Variants in SUCLG2 observed in about 807,000 individuals in gnomAD.
SUCLG2 encodes succinate--CoA ligase [GDP-forming] subunit beta, mitochondrial.
SUCLG2 carries 42 observed loss-of-function variants against 47.9 expected under a neutral mutation model. That is an observed-to-expected ratio of 0.88 (90% CI 0.69 to 1.14). The LOEUF (loss-of-function observed/expected upper bound fraction) is 1.14, where lower values mean the gene tolerates loss of function less well. SUCLG2 is among the 50% of genes most tolerant of loss of function. The pLI is 0.00. For missense variants in SUCLG2, 571 were observed against 525.9 expected, an observed-to-expected ratio of 1.09 and a Z score of -0.84; for synonymous variants, 195 against 197.3, an observed-to-expected ratio of 0.99 and a Z score of 0.10.
intron 9 of SUCLG2, among the ~76,000 whole-genome samples, chr3:67,470,290 C>A (rs941489816): frequency 6.6e-6 from 1 of 152,174 alleles, no homozygotes; most frequent in Non-Finnish European, 1.5e-5. Flanking sequence ...CAAAAATGTG[C>A]ACATAATGAG....
rs1193638368 is a variant in SUCLG2 at position 67,375,721 on chromosome 3, T to C, written c.*23A>G. ...TTTTACGGAAAAATGGCTTTCTTTC[T>C]CCATTGGATCAGGACAAAGACATCA... On this transcript the variant is annotated 3_prime_UTR_variant, in exon 11 of 11. Transcript: ENST00000307227. 1.3e-6 allele frequency: 2 copies of C among 1,596,982 alleles called. No homozygotes were observed. The highest frequency in any genetic ancestry group is 2.7e-5 in the African/African-American group (2 of 74,408).
At chr3:67,431,487 C>G (rs1703478144) in intron 9 of SUCLG2, among the ~76,000 whole-genome samples, 1 of 152,024 alleles carries the variant, frequency 6.6e-6, no homozygotes, top group Non-Finnish European at 1.5e-5. Flanking sequence ...TGGAACCAAC[C>G]CAAATGTCCA....
chr3:67,454,150 G>A (rs1309454956), intron 9 of SUCLG2, among the ~76,000 whole-genome samples: 1 of 152,182 alleles, frequency 6.6e-6, no homozygotes, highest in Non-Finnish European at 1.5e-5. Flanking sequence ...GAAGTTGACA[G>A]AGCTGCACAA....
At chr3:67,617,307 C>T (rs901825770) in intron 1 of SUCLG2, among the ~76,000 whole-genome samples, 4 of 152,092 alleles carry the variant, frequency 2.6e-5, no homozygotes, top group Admixed American at 6.5e-5. Context: ...GGCCTTAATA[C>T]GATGACAACA....
intron 9 of SUCLG2, among the ~76,000 whole-genome samples, chr3:67,409,736 G>C (rs1369568048): frequency 4.0e-5 from 6 of 151,708 alleles, no homozygotes; most frequent in Non-Finnish European, 8.8e-5. Context: ...TAACCACCAA[G>C]AATATATTAA....
At chr3:67,395,427 G>A (rs146043855) in intron 10 of SUCLG2, among the ~76,000 whole-genome samples, 10,971 of 152,170 alleles carry the variant, frequency 0.072, 405 homozygotes, top group Middle Eastern at 0.14. Flanking sequence ...AGACAAAGAA[G>A]GCCATTACAT....
chr3:67,609,121 G>A (rs553804652), intron 2 of SUCLG2, among the ~76,000 whole-genome samples: 1 of 152,324 alleles, frequency 6.6e-6, no homozygotes, highest in East Asian at 1.9e-4. Context: ...TGCCAGGGAA[G>A]AAAGGCTCTA....
intron 5 of SUCLG2, among the ~76,000 whole-genome samples, chr3:67,519,915 C>G (rs78442256): frequency 0.01 from 1,539 of 152,186 alleles, 22 homozygotes; most frequent in African/African-American, 0.032. Context: ...AACTTGTGCT[C>G]TGATTAAATT....
intron 2 of SUCLG2, among the ~76,000 whole-genome samples, chr3:67,598,704 T>C (rs534715018): frequency 2.6e-4 from 39 of 152,318 alleles, no homozygotes; most frequent in African/African-American, 8.9e-4. Flanking sequence ...TATGCTGTGA[T>C]GTGGAACACA....
rs193246615 is a variant in SUCLG2, at chr3:67,510,339, T to C, written c.661-1436A>G. On this transcript the variant is annotated intron_variant, in intron 6 of 10. Coordinates refer to ENST00000307227, the MANE Select transcript of SUCLG2 (RefSeq NM_003848.4). ...TTTTAAATCCAAATTTGAGGGCTAG[T>C]AGATATAAACGAACCCACATAATGA... 3.3e-3 allele frequency among the ~76,000 whole-genome samples: 500 copies of C among 152,370 alleles called. 2 individuals carry two copies. Among genetic ancestry groups the C allele is most frequent in the African/African-American group, 0.011 (473 of 41,582 alleles).
intron 10 of SUCLG2, among the ~76,000 whole-genome samples, chr3:67,392,038 C>G (rs1036036296): frequency 6.6e-6 from 1 of 152,066 alleles, no homozygotes; most frequent in African/African-American, 2.4e-5. Context: ...TGCCCCTGTC[C>G]TTCTGTATGT....
chr3:67,517,893 T>C (rs866834356), intron 6 of SUCLG2, among the ~76,000 whole-genome samples: 6 of 152,196 alleles, frequency 3.9e-5, no homozygotes, highest in African/African-American at 1.4e-4. Flanking sequence ...ATCATTCCCA[T>C]TTTATAGATG....
At chr3:67,515,901 GAAC>G (rs1384995095) in intron 6 of SUCLG2, among the ~76,000 whole-genome samples, 1 of 152,066 alleles carries the variant, frequency 6.6e-6, no homozygotes, top group Admixed American at 6.5e-5. Context: ...GTCCCTAGAT[GAAC>G]AACTTCCAAC....
At chr3:67,506,641 G>T (rs575899564) in intron 7 of SUCLG2, among the ~76,000 whole-genome samples, 31 of 152,084 alleles carry the variant, frequency 2.0e-4, no homozygotes, top group Non-Finnish European at 4.4e-5. Flanking sequence ...AATAAAAAAT[G>T]TATTGCAGCC....
chr3:67,386,946 G>A, intron 10 of SUCLG2, among the ~76,000 whole-genome samples: 1 of 152,130 alleles, frequency 6.6e-6, no homozygotes, highest in Non-Finnish European at 1.5e-5. Context: ...CCAAACAGTT[G>A]TAGCCTGTGT....
chr3:67,465,554 C>A (rs899309464), intron 9 of SUCLG2, among the ~76,000 whole-genome samples: 1 of 152,174 alleles, frequency 6.6e-6, no homozygotes, highest in Admixed American at 6.5e-5. Flanking sequence ...ACACTCTGAA[C>A]TGCAGGCAGC....
intron 9 of SUCLG2, among the ~76,000 whole-genome samples, chr3:67,417,816 G>A (rs4856783): frequency 0.056 from 8,545 of 152,172 alleles, 337 homozygotes; most frequent in East Asian, 0.2. Context: ...TTCAGCCACC[G>A]CAGCTTGAAC....
intron 2 of SUCLG2, among the ~76,000 whole-genome samples, chr3:67,563,923 G>A (rs766391489): frequency 5.2e-4 from 74 of 142,730 alleles, no homozygotes; most frequent in Non-Finnish European, 9.3e-4. Flanking sequence ...TCTCGCTGCT[G>A]CACTCCAGCC....
chr3:67,633,661 T>C (rs1700962755), intron 1 of SUCLG2, among the ~76,000 whole-genome samples: 1 of 152,182 alleles, frequency 6.6e-6, no homozygotes, highest in African/African-American at 2.4e-5. Flanking sequence ...AATGTCTATG[T>C]TCAATAAGTT....
Sources: gnomAD v4.1 joint callset for allele counts (sites outside exome capture counted in the v4.1 genomes callset) on GRCh38, gnomAD v4.1.1 for gene constraint, MANE v1.5 for transcripts, NCBI Gene and HGNC (gene_info 2026-07-23, HGNC 2026-07-21) for gene names.